KDM4C: variants seen among roughly 807,000 people sequenced by gnomAD.
The protein encoded by KDM4C is lysine demethylase 4C, also known as lysine-specific demethylase 4C.
A neutral mutation model predicts 129.3 loss-of-function variants in KDM4C; 81 were observed. The observed-to-expected ratio is 0.63, with a 90% CI of 0.52 to 0.75. The LOEUF (loss-of-function observed/expected upper bound fraction) is 0.75, where lower values mean the gene tolerates loss of function less well. Among genes scored for constraint, KDM4C ranks in the 30% least tolerant of loss-of-function variants. KDM4C has a pLI of 0.00. For missense variants in KDM4C, 1,457 were observed against 1,304.0 expected, an observed-to-expected ratio of 1.12 and a Z score of -1.81; for synonymous variants, 573 against 456.1, an observed-to-expected ratio of 1.26 and a Z score of -3.26.
intron 8 of KDM4C, among the ~76,000 whole-genome samples, chr9:6,909,587 A>G (rs1818909272): frequency 6.6e-6 from 1 of 152,222 alleles, no homozygotes; most frequent in Admixed American, 6.5e-5. Context: ...CCAAAATTAT[A>G]GAATACTCTC....
At chr9:7,008,457 A>G (rs1374352024) in intron 12 of KDM4C, among the ~76,000 whole-genome samples, 1 of 152,194 alleles carries the variant, frequency 6.6e-6, no homozygotes, top group African/African-American at 2.4e-5. Flanking sequence ...CAGAGCCAAG[A>G]CAACCCCCAC....
intron 18 of KDM4C, among the ~76,000 whole-genome samples, chr9:7,126,792 A>G (rs954877237): frequency 3.9e-5 from 6 of 152,128 alleles, no homozygotes; most frequent in Non-Finnish European, 8.8e-5. Context: ...GGCTAATTTC[A>G]GGACTGGTGC....
chr9:6,983,167 A>T (rs1263261869), intron 9 of KDM4C, among the ~76,000 whole-genome samples: 5 of 152,188 alleles, frequency 3.3e-5, no homozygotes, highest in Admixed American at 6.5e-5. Flanking sequence ...GCTAATTTAT[A>T]TAGGTTATCG....
chr9:7,122,286 T>TCTCTCTC (rs1554752013), intron 18 of KDM4C, among the ~76,000 whole-genome samples: 122 of 87,782 alleles, frequency 1.4e-3, no homozygotes, highest in African/African-American at 4.5e-3. Context: ...CTCTCTCTCT[T>TCTCTCTC]AAACAGCCAG....
At chr9:6,748,592 G>T in intron 1 of KDM4C, 3 of 604,190 alleles carry the variant, frequency 5.0e-6, no homozygotes, top group Non-Finnish European at 6.0e-6. Context: ...TTGCCATCTT[G>T]TAAAAACATA....
intron 19 of KDM4C, among the ~76,000 whole-genome samples, chr9:7,134,387 A>G (rs940564082): frequency 3.9e-5 from 6 of 152,220 alleles, no homozygotes; most frequent in Non-Finnish European, 8.8e-5. Flanking sequence ...GCATAAAAAA[A>G]GAACAAACTC....
At chr9:7,001,478 A>G (rs1457127444) in intron 12 of KDM4C, among the ~76,000 whole-genome samples, 1 of 152,232 alleles carries the variant, frequency 6.6e-6, no homozygotes, top group Non-Finnish European at 1.5e-5. Flanking sequence ...GGTAGAGCTG[A>G]CAGGACCATG....
chr9:6,791,972 A>C (rs1826734735), intron 1 of KDM4C, among the ~76,000 whole-genome samples: 1 of 152,176 alleles, frequency 6.6e-6, no homozygotes, highest in African/African-American at 2.4e-5. Flanking sequence ...TGGTGTGCCG[A>C]GATTGCGCCA....
At chr9:6,920,867 T>G (rs1032487778) in intron 8 of KDM4C, among the ~76,000 whole-genome samples, 2 of 152,280 alleles carry the variant, frequency 1.3e-5, no homozygotes, top group African/African-American at 2.4e-5. Flanking sequence ...CAGAGAGGCC[T>G]TGAGGTTTCT....
chr9:7,051,375 T>G (rs1830131962), intron 17 of KDM4C, among the ~76,000 whole-genome samples: 1 of 152,174 alleles, frequency 6.6e-6, no homozygotes, highest in African/African-American at 2.4e-5. Flanking sequence ...GCCCCAGTCT[T>G]CATTGATGTT....
At chr9:6,933,859 T>A (rs938252072) in intron 8 of KDM4C, among the ~76,000 whole-genome samples, 3 of 85,036 alleles carry the variant, frequency 3.5e-5, no homozygotes, top group Non-Finnish European at 6.3e-5. Context: ...TATTTATTTA[T>A]TTTTTTTTGA....
intron 5 of KDM4C, among the ~76,000 whole-genome samples, chr9:6,855,457 T>G (rs1293170019): frequency 5.9e-5 from 1 of 16,878 alleles, no homozygotes; most frequent in Non-Finnish European, 1.0e-4. Flanking sequence ...AGACTCCGTC[T>G]CAAAAAAAAA....
At chr9:6,792,402 C>G (rs1314316887) in intron 1 of KDM4C, among the ~76,000 whole-genome samples, 1 of 152,004 alleles carries the variant, frequency 6.6e-6, no homozygotes, top group South Asian at 2.1e-4. Context: ...CTTACTCTGT[C>G]GCTCAGACCA....
At chr9:7,065,843 A>G (rs1050955491) in intron 17 of KDM4C, among the ~76,000 whole-genome samples, 1 of 152,186 alleles carries the variant, frequency 6.6e-6, no homozygotes, top group African/African-American at 2.4e-5. Context: ...TAAAAACTCT[A>G]AATAGTGTGA....
intron 4 of KDM4C, among the ~76,000 whole-genome samples, chr9:6,826,352 A>G (rs1014965938): frequency 6.6e-6 from 1 of 152,150 alleles, no homozygotes; most frequent in Non-Finnish European, 1.5e-5. Context: ...AAGGTATTAC[A>G]TAGAGAAAAT....
At chr9:6,959,794 T>C (rs532859185) in intron 8 of KDM4C, among the ~76,000 whole-genome samples, 28 of 152,290 alleles carry the variant, frequency 1.8e-4, no homozygotes, top group Non-Finnish European at 3.5e-4. Context: ...TATGTCTTCC[T>C]TTCAGTTGTA....
chr9:7,084,529 T>A (rs1544055), intron 17 of KDM4C, among the ~76,000 whole-genome samples: 9 of 152,228 alleles, frequency 5.9e-5, no homozygotes, highest in Middle Eastern at 3.4e-3. Context: ...TGATTATGGC[T>A]TTGTGTAGGT....
intron 19 of KDM4C, among the ~76,000 whole-genome samples, chr9:7,147,705 A>G (rs1587867813): frequency 6.6e-6 from 1 of 152,322 alleles, no homozygotes; most frequent in East Asian, 1.9e-4. Flanking sequence ...TCTCTTACCC[A>G]GGTAGGAAGA....
intron 8 of KDM4C, among the ~76,000 whole-genome samples, chr9:6,961,123 C>G (rs544582173): frequency 4.6e-5 from 7 of 152,254 alleles, no homozygotes; most frequent in South Asian, 2.1e-4. Flanking sequence ...ATTATGTCAG[C>G]ATTGTGAGTT....
Sources: allele counts gnomAD v4.1 joint callset (sites outside exome capture counted in the v4.1 genomes callset), GRCh38; gene constraint gnomAD v4.1.1; transcripts MANE v1.5; gene names NCBI Gene and HGNC (gene_info 2026-07-23, HGNC 2026-07-21).